The following PAK5 variants were observed in gnomAD, a reference collection of about 807,000 sequenced individuals.
PAK5 encodes p21 (RAC1) activated kinase 5.
Under a neutral mutation model 65.9 loss-of-function variants are expected in PAK5, and 16 were observed. That is an observed-to-expected ratio of 0.24 (90% CI 0.16 to 0.37). The LOEUF (loss-of-function observed/expected upper bound fraction) is 0.37, where lower values mean the gene tolerates loss of function less well. PAK5 is among the 10% of genes least tolerant of loss of function. PAK5 has a pLI of 1.00. For synonymous variants in PAK5, 371 were observed against 354.9 expected (o/e 1.05, Z -0.51); for missense variants, 785 against 903.9 (o/e 0.87, Z 1.69).
chr20:9,744,357 G>A (rs1213730608), intron 1 of PAK5, among the ~76,000 whole-genome samples: 4 of 152,134 alleles, frequency 2.6e-5, no homozygotes, highest in Non-Finnish European at 4.4e-5. Flanking sequence ...GCTTCTTCTA[G>A]AACAAATAAT....
chr20:9,679,126 C>T (rs982632120), intron 2 of PAK5, among the ~76,000 whole-genome samples: 52 of 152,174 alleles, frequency 3.4e-4, no homozygotes, highest in African/African-American at 1.3e-3. Context: ...ATACAATGGT[C>T]CACTTCCACT....
chr20:9,668,585 C>A (rs760142927), intron 2 of PAK5, among the ~76,000 whole-genome samples: 1 of 152,116 alleles, frequency 6.6e-6, no homozygotes, highest in Non-Finnish European at 1.5e-5. Flanking sequence ...AGGGGACTGG[C>A]GACTTGGAAA....
chr20:9,796,784 C>T lies in PAK5; in HGVS notation c.-162+41978G>A, dbSNP rs138928567. ...TACAGTCAAAATTTGGTGATAGATT[C>T]GATATAGCAGATGAGATGGGGAATT... On this transcript the variant is annotated intron_variant, in intron 1 of 9. Coordinates refer to ENST00000353224, the MANE Select transcript of PAK5 (RefSeq NM_177990.4). 3.4e-3 allele frequency among the ~76,000 whole-genome samples: 510 copies of T among 152,124 alleles called. 6 individuals carry two copies. Among genetic ancestry groups the T allele is most frequent in the African/African-American group, 0.012 (484 of 41,508 alleles).
chr20:9,549,366 G>A (rs1490144001), intron 7 of PAK5, among the ~76,000 whole-genome samples: 4 of 152,040 alleles, frequency 2.6e-5, no homozygotes, highest in African/African-American at 9.7e-5. Context: ...CCAGATTAAC[G>A]TAGGCCAATT....
chr20:9,836,926 C>T lies in PAK5; in HGVS notation c.-162+1836G>A, dbSNP rs968808796. 6.7e-4 allele frequency among the ~76,000 whole-genome samples: 102 copies of T among 152,278 alleles called. 1 individual carries two copies. Among genetic ancestry groups the T allele is most frequent in the African/African-American group, 2.3e-3 (96 of 41,546 alleles). On this transcript the variant is annotated intron_variant, in intron 1 of 9. Transcript: ENST00000353224. ...AAATAATTTTCCCAGAATCACAAAG[C>T]TAAACATAGAAGAGTCAGAGTTCAA...
rs181414284 is a variant in PAK5 at position 9,700,713 on chromosome 20, T to C, written c.-12+10573A>G. Among the ~76,000 whole-genome samples, 30 of 152,274 alleles carry C rather than the reference T, an allele frequency of 2.0e-4. No individual in the cohort carries two copies. The East Asian group carries it at 5.4e-3, about 28-fold the overall frequency. On this transcript the variant is annotated intron_variant, in intron 2 of 9. Transcript: ENST00000353224. ...AATACCTTAAGACAGAAAAGTCATT[T>C]TCCTTGACACAAAATAATCCAATTG... is the stretch of plus-strand genomic sequence containing the variant.
intron 2 of PAK5, among the ~76,000 whole-genome samples, chr20:9,686,814 C>A (rs1287108411): frequency 2.0e-5 from 3 of 152,140 alleles, no homozygotes; most frequent in East Asian, 1.9e-4. Context: ...AAAGTTGCCC[C>A]TCATGCAGAT....
chr20:9,740,894 T>C (rs1371230947), intron 1 of PAK5, among the ~76,000 whole-genome samples: 1 of 152,236 alleles, frequency 6.6e-6, no homozygotes, highest in Non-Finnish European at 1.5e-5. Flanking sequence ...ACATGCTCTC[T>C]GAAATGATTG....
rs576146914 is a variant in PAK5, at chr20:9,745,761, T to G, written c.-161-34326A>C. ...GCCACTCCATGGATCACATTTTATG[T>G]AGTAACGTTTTAAATGAATGAAGAA... On this transcript the variant is annotated intron_variant, in intron 1 of 9. Coordinates refer to ENST00000353224, the MANE Select transcript of PAK5 (RefSeq NM_177990.4). Among the ~76,000 whole-genome samples the G allele has an allele frequency of 2.6e-5, 4 of 152,170 alleles. No individual in the cohort carries two copies. In the South Asian group the frequency reaches 8.3e-4, roughly 32 times the overall value.
chr20:9,773,149 T>C (rs1600356439), intron 1 of PAK5, among the ~76,000 whole-genome samples: 1 of 152,288 alleles, frequency 6.6e-6, no homozygotes, highest in South Asian at 2.1e-4. Flanking sequence ...GTACAACATG[T>C]CCCAAAGCTC....
chr20:9,695,037 T>C (rs1428451675), intron 2 of PAK5, among the ~76,000 whole-genome samples: 5 of 152,054 alleles, frequency 3.3e-5, no homozygotes, highest in African/African-American at 1.2e-4. Flanking sequence ...CTCCACATCC[T>C]TATTCACATT....
intron 1 of PAK5, among the ~76,000 whole-genome samples, chr20:9,818,023 A>G (rs2049377841): frequency 6.6e-6 from 1 of 152,214 alleles, no homozygotes; most frequent in African/African-American, 2.4e-5. Flanking sequence ...AAATCAAAGA[A>G]GGATTTTTTA....
At chr20:9,758,678 T>C (rs2048663354) in intron 1 of PAK5, among the ~76,000 whole-genome samples, 1 of 152,184 alleles carries the variant, frequency 6.6e-6, no homozygotes. Flanking sequence ...ATTCAAGGCT[T>C]TCCCCCTTGG....
At chr20:9,713,101 T>C (rs6118708) in intron 1 of PAK5, among the ~76,000 whole-genome samples, 20,062 of 151,934 alleles carry the variant, frequency 0.13, 1,668 homozygotes, top group Non-Finnish European at 0.18. Context: ...TGAGAGAAAA[T>C]ATTTGCAAAC....
At chr20:9,554,286 GAGGCT>G (rs2045474208) in intron 7 of PAK5, among the ~76,000 whole-genome samples, 1 of 152,200 alleles carries the variant, frequency 6.6e-6, no homozygotes. Flanking sequence ...ATTTGATTCT[GAGGCT>G]AGGTTATAAA....
intron 1 of PAK5, among the ~76,000 whole-genome samples, chr20:9,788,226 C>T (rs1251135485): frequency 6.6e-6 from 1 of 151,954 alleles, no homozygotes; most frequent in South Asian, 2.1e-4. Context: ...GACATCTCAA[C>T]CAGGGAAGCA....
At chr20:9,732,192 TTA>T (rs1491323382) in intron 1 of PAK5, among the ~76,000 whole-genome samples, 7 of 39,326 alleles carry the variant, frequency 1.8e-4, no homozygotes, top group South Asian at 1.5e-3. Context: ...AAAGTTTAAG[TTA>T]AAAAAAAAGT....
chr20:9,602,164 T>C (rs2046371730), intron 3 of PAK5, among the ~76,000 whole-genome samples: 1 of 151,592 alleles, frequency 6.6e-6, no homozygotes, highest in Non-Finnish European at 1.5e-5. Context: ...GGTGGTGCAC[T>C]CCTGTAGTCC....
chr20:9,593,312 A>G (rs2046206038), intron 3 of PAK5, among the ~76,000 whole-genome samples: 1 of 152,038 alleles, frequency 6.6e-6, no homozygotes, highest in South Asian at 2.1e-4. Flanking sequence ...TCAAAAGAAA[A>G]AAAAAGAGTT....
Sources: gnomAD v4.1 joint callset for allele counts (sites outside exome capture counted in the v4.1 genomes callset) on GRCh38, gnomAD v4.1.1 for gene constraint, MANE v1.5 for transcripts, NCBI Gene and HGNC (gene_info 2026-07-23, HGNC 2026-07-21) for gene names.